Variants in C16orf90 observed in about 807,000 individuals in gnomAD.
C16orf90 encodes uncharacterized protein C16orf90.
Under a neutral mutation model 17.1 loss-of-function variants are expected in C16orf90, and 17 were observed. The observed-to-expected ratio is 1.00, with a 90% CI of 0.68 to 1.49. The LOEUF is 1.49. C16orf90 is among the 40% of genes most tolerant of loss of function. The pLI, the probability that C16orf90 is intolerant of heterozygous loss-of-function variation, is 0.00. For missense variants in C16orf90, 255 were observed against 235.5 expected, an observed-to-expected ratio of 1.08 and a Z score of -0.54; for synonymous variants, 108 against 95.8, an observed-to-expected ratio of 1.13 and a Z score of -0.75.
At position 3,494,590 on chromosome 16, in the gene C16orf90, G is replaced by A; in HGVS notation, c.334C>T (p.Pro112Ser). Residue 112 changes from proline (P) to serine (S), a missense_variant, in exon 2 of 3, where the codon CCA becomes TCA. Pro to Ser is a moderately conservative substitution (Grantham distance 74). Coordinates refer to ENST00000437192, the MANE Select transcript of C16orf90 (RefSeq NM_001080524.2). ...ALDLPQGTLG[P>S]RNSLCSALLE... ...AGGGCTGAACAGAGGCTGTTACGTG[G>A]GCCCAGAGTCCCCTGTGGCAGGTCC... The A allele has an allele frequency of 6.2e-7, 1 of 1,612,886 alleles. No individual in the cohort carries two copies. Among genetic ancestry groups the A allele is most frequent in the Non-Finnish European group, 8.5e-7 (1 of 1,179,890 alleles).
chr16:3,494,944 C>A, intron 1 of C16orf90, 67 bp from the exon 2 acceptor site: 1 of 1,201,336 alleles, frequency 8.3e-7, no homozygotes, highest in South Asian at 1.6e-5. Flanking sequence ...AGGGTGCAGT[C>A]ACATACCTCT....
chr16:3,493,548 C>T lies in C16orf90; in HGVS notation c.*291G>A, dbSNP rs527477171. 1.2e-4 allele frequency: 33 copies of T among 275,218 alleles called. No homozygotes were observed. The highest frequency in any genetic ancestry group is 4.0e-4 in the African/African-American group (19 of 47,094). 17.0% of individuals were successfully genotyped at this position (275,218 alleles called of 1,614,324 possible). A position where few individuals can be genotyped will look rare whatever the true frequency, so the allele number is the denominator to read the frequency against. On this transcript the variant is annotated 3_prime_UTR_variant, in exon 3 of 3. Coordinates refer to ENST00000437192, the MANE Select transcript of C16orf90 (RefSeq NM_001080524.2). Reference sequence around the variant, plus strand: ...CCCCGGCCTCTCAGGGAGGCGGTGGCGGGGGGGCCTGATTCTGCACTCAGC... The same window carrying T: ...CCCCGGCCTCTCAGGGAGGCGGTGGTGGGGGGGCCTGATTCTGCACTCAGC...
chr16:3,496,145 A>C, upstream of C16orf90: 3 of 412,604 alleles, frequency 7.3e-6, no homozygotes, highest in Non-Finnish European at 1.4e-5. Flanking sequence ...CGTCTCAAAA[A>C]AAAAAAAAAG....
Position 3,494,630 on chromosome 16 carries a change from G to A in C16orf90, c.294C>T (p.Gly98=), listed in dbSNP as rs1033491724. Residue 98 remains glycine, a synonymous_variant, in exon 2 of 3, where the codon GGC becomes GGT. Transcript: ENST00000437192. ...GTGGCAGGTCCAGGGCCCAGGCTGT[G>A]CCCTCAGGCTGTGGCAGGCAGCCCC... The part of the protein sequence containing the change: ...MAGGCLPQPE[G]TAWALDLPQG... The A allele has an allele frequency of 1.9e-6, 3 of 1,611,820 alleles. No homozygotes were observed. The highest frequency in any genetic ancestry group is 1.3e-5 in the African/African-American group (1 of 74,922).
rs747126921 is a variant in C16orf90 at position 3,493,917 on chromosome 16, C to T, written c.471G>A (p.Lys157=). ...PQPSPSRLRP[K]RSWGTWEEAM... is the part of the protein sequence containing the mutation. ...CCTCTTCCCAGGTCCCCCAGGACCT[C>T]TTGGGCCTGAGCCTAGAAGGACTAG... is the stretch of plus-strand genomic sequence containing the variant. The change falls in exon 3 of 3, where the codon AAG becomes AAA. Residue 157 remains lysine (K), a synonymous_variant. Coordinates refer to ENST00000437192, the MANE Select transcript of C16orf90 (RefSeq NM_001080524.2). The T allele has an allele frequency of 1.4e-5, 23 of 1,609,556 alleles. 1 individual carries two copies. The South Asian group carries it at 2.4e-4, about 17-fold the overall frequency.
At chr16:3,494,053 A>C in intron 2 of C16orf90, 66 bp from the exon 3 acceptor site, 1 of 1,440,324 alleles carries the variant, frequency 6.9e-7, no homozygotes, top group Non-Finnish European at 9.5e-7. Context: ...GGAGGCTGGC[A>C]GCCCACCCTG....
chr16:3,495,206 T>C (rs1243724750), intron 1 of C16orf90, among the ~76,000 whole-genome samples, 170 bp downstream of exon 1: 1 of 152,056 alleles, frequency 6.6e-6, no homozygotes, highest in Non-Finnish European at 1.5e-5. Flanking sequence ...CACAGAGAAA[T>C]TGCACAGTGG....
In C16orf90 at chr16:3,494,731, G is replaced by T; in HGVS notation, c.193C>A (p.Leu65Met). 17 of 1,605,484 alleles carry T rather than the reference G, an allele frequency of 1.1e-5. No individual in the cohort carries two copies. The highest frequency in any genetic ancestry group is 1.4e-5 in the Non-Finnish European group (17 of 1,176,790). The change falls in exon 2 of 3, where the codon CTG becomes ATG. Residue 65 changes from leucine (L) to methionine (M), a missense_variant. Coordinates refer to ENST00000437192, the MANE Select transcript of C16orf90 (RefSeq NM_001080524.2). ...GGGTGGCTCTCCAGGTAGAGGCCCA[G>T]GCCCCGGAGGTGGCGCAGCCGGAAG... ...KNFRLRHLRG[L>M]GLYLESHPPP...
intron 1 of C16orf90, 34 bp from the exon 2 acceptor site, chr16:3,494,911 C>A: frequency 1.4e-6 from 2 of 1,426,422 alleles, no homozygotes; most frequent in African/African-American, 1.4e-5. Flanking sequence ...TGGTGGCCAG[C>A]CCCCCACAGC....
At chr16:3,494,958 AC>A in intron 1 of C16orf90, 81 bp from the exon 2 acceptor site, 1 of 1,061,878 alleles carries the variant, frequency 9.4e-7, no homozygotes, top group Non-Finnish European at 1.3e-6. Context: ...TACCTCTGAG[AC>A]CAGCTCACAT....
chr16:3,494,399 C>G (rs939045361), intron 2 of C16orf90, 125 bp downstream of exon 2: 5 of 759,028 alleles, frequency 6.6e-6, no homozygotes, highest in African/African-American at 5.3e-5. Flanking sequence ...TCATCAAGAT[C>G]TTGGCCTTCT....
chr16:3,495,751 G>A (rs1005260343), upstream of C16orf90, among the ~76,000 whole-genome samples: 6 of 152,322 alleles, frequency 3.9e-5, no homozygotes, highest in Middle Eastern at 3.4e-3. Context: ...TTCCTCATCT[G>A]GGGTGGGAAA....
At position 3,494,801 on chromosome 16, in the gene C16orf90, G is replaced by T; in HGVS notation, c.123C>A (p.Ser41=). The change falls in exon 2 of 3, where the codon TCC becomes TCA. Residue 41 remains serine, a synonymous_variant. Transcript: ENST00000437192. ...GGGCACTGGGGCACTGCGGCTGCGGGGACCCCAGGCCCCCCTCGTAGATGT... is the reference window on the plus strand; with the variant it reads ...GGGCACTGGGGCACTGCGGCTGCGGTGACCCCAGGCCCCCCTCGTAGATGT... ...PPNIYEGGLG[S]PQPQCPSAQG... The T allele has an allele frequency of 6.3e-7, 1 of 1,582,120 alleles. No homozygotes were observed.
chr16:3,495,003 T>C, intron 1 of C16orf90, 126 bp from the exon 2 acceptor site: 1 of 725,658 alleles, frequency 1.4e-6, no homozygotes, highest in Non-Finnish European at 2.2e-6. Context: ...CTGGCCTCAG[T>C]TTACCTGTGT....
chr16:3,494,965 C>T (rs2037287489), intron 1 of C16orf90, 88 bp from the exon 2 acceptor site: 3 of 1,016,354 alleles, frequency 3.0e-6, no homozygotes, highest in Non-Finnish European at 4.2e-6. Context: ...GAGACCAGCT[C>T]ACATGATGGG....
In C16orf90 at chr16:3,494,782, TG is replaced by T. The variant is rs761799120; in HGVS notation, c.141del (p.Ser48ValfsTer213). 22 of 1,594,864 alleles carry T rather than the reference TG, an allele frequency of 1.4e-5. No homozygotes were observed. In the African/African-American group the frequency reaches 2.0e-4, roughly 15 times the overall value. ...GGLGSPQPQC[P>X]SAQGSKPKNF... ...TTCTTGGGCTTGCTTCCCTGGGCAC[TG>T]GGGCACTGCGGCTGCGGGGACCCCA... On this transcript the variant is annotated frameshift_variant, in exon 2 of 3. Coordinates refer to ENST00000437192, the MANE Select transcript of C16orf90 (RefSeq NM_001080524.2). LOFTEE classifies it high-confidence loss of function.
intron 1 of C16orf90, among the ~76,000 whole-genome samples, chr16:3,495,167 C>T (rs148908620): frequency 4.2e-4 from 64 of 152,288 alleles, no homozygotes; most frequent in African/African-American, 8.2e-4. Context: ...CTGTTCTGCC[C>T]GCTACCCTAG....
Position 3,493,627 on chromosome 16 carries a change from CG to C in C16orf90, c.*211del, listed in dbSNP as rs1356941314. ...GGAGTCTAAGCAGGCTGCAAGGGCA[CG>C]GCCATGCTTCTATTGCTTCTGCCCC... is the stretch of plus-strand genomic sequence containing the variant. On this transcript the variant is annotated 3_prime_UTR_variant, in exon 3 of 3. Coordinates refer to ENST00000437192, the MANE Select transcript of C16orf90 (RefSeq NM_001080524.2). 8.8e-6 allele frequency: 4 copies of C among 455,764 alleles called. No individual in the cohort carries two copies. Among genetic ancestry groups the C allele is most frequent in the African/African-American group, 7.7e-5 (4 of 51,620 alleles). 28.2% of individuals were successfully genotyped at this position (455,764 alleles called of 1,614,324 possible).
intron 2 of C16orf90, 111 bp downstream of exon 2, chr16:3,494,413 G>C (rs1233572303): frequency 2.4e-6 from 2 of 847,032 alleles, no homozygotes; most frequent in East Asian, 2.6e-5. Context: ...GCCTTCTGGG[G>C]CATGGTGCCA....
Sources: gnomAD v4.1 joint callset for allele counts (sites outside exome capture counted in the v4.1 genomes callset) on GRCh38, gnomAD v4.1.1 for gene constraint, MANE v1.5 for transcripts, NCBI Gene and HGNC (gene_info 2026-07-23, HGNC 2026-07-21) for gene names.